Variants in HSBP1L1 observed in about 807,000 individuals in gnomAD.
HSBP1L1 encodes heat shock factor binding protein 1 like 1.
In HSBP1L1, 8 loss-of-function variants were observed where a neutral mutation model predicts 9.7. The observed-to-expected ratio is 0.82, with a 90% CI of 0.48 to 1.48. The LOEUF is 1.48. HSBP1L1 is among the 40% of genes most tolerant of loss of function. The probability of loss-of-function intolerance (pLI) is 0.00; values close to 1 mark genes in which losing one functional copy is unlikely to be tolerated. For synonymous variants in HSBP1L1, 39 were observed against 34.4 expected, an observed-to-expected ratio of 1.13 and a Z score of -0.46; for missense variants, 106 against 95.8, an observed-to-expected ratio of 1.11 and a Z score of -0.44.
chr18:79,965,390 G>T (rs1000079281), intron 1 of HSBP1L1, among the ~76,000 whole-genome samples: 2 of 152,140 alleles, frequency 1.3e-5, no homozygotes, highest in African/African-American at 4.8e-5. Flanking sequence ...TGGTTCAGAG[G>T]TGGGGCCTCC....
chr18:79,968,266 C>A, intron 3 of HSBP1L1, 83 bp downstream of exon 3: 1 of 809,572 alleles, frequency 1.2e-6, no homozygotes, highest in Non-Finnish European at 2.0e-6. Flanking sequence ...CATATTTGTT[C>A]ACTATGGGAA....
At chr18:79,968,034 C>A in intron 2 of HSBP1L1, 55 bp from the exon 3 acceptor site, 5 of 1,091,496 alleles carry the variant, frequency 4.6e-6, no homozygotes, top group Non-Finnish European at 6.7e-6. Context: ...GACATCCTGG[C>A]TGTGCCTCGG....
chr18:79,969,041 T>A (rs867312675), intron 3 of HSBP1L1, among the ~76,000 whole-genome samples: 41 of 131,168 alleles, frequency 3.1e-4, no homozygotes, highest in African/African-American at 7.4e-4. Flanking sequence ...AAAAAAAAAA[T>A]AGCCGGGTGT....
intron 3 of HSBP1L1, among the ~76,000 whole-genome samples, chr18:79,969,308 GAAAGGAAA>G (rs1356119440): frequency 1.8e-4 from 9 of 51,128 alleles, no homozygotes; most frequent in Non-Finnish European, 2.5e-4. Flanking sequence ...GAGAGAGAGA[GAAAGGAAA>G]GAAAGAAAGA....
chr18:79,967,296 T>C (rs1473256904), intron 2 of HSBP1L1, among the ~76,000 whole-genome samples: 15 of 152,184 alleles, frequency 9.9e-5, no homozygotes, highest in African/African-American at 1.4e-4. Context: ...CCCTAGACCA[T>C]AGACCCCACA....
chr18:79,967,519 T>G (rs1290767339), intron 2 of HSBP1L1: 1 of 152,244 alleles, frequency 6.6e-6, no homozygotes, highest in Non-Finnish European at 1.5e-5. Flanking sequence ...ATTAAATATA[T>G]TCCTTAAATA....
At chr18:79,966,113 A>G (rs1489838024) in intron 1 of HSBP1L1, among the ~76,000 whole-genome samples, 1 of 152,062 alleles carries the variant, frequency 6.6e-6, no homozygotes, top group Non-Finnish European at 1.5e-5. Flanking sequence ...TTGTATTTTT[A>G]GTAGAGATGG....
At chr18:79,967,147 C>CAAAAAAAAAAAAGAAA (rs2051261840) in intron 2 of HSBP1L1, among the ~76,000 whole-genome samples, 2 of 105,196 alleles carry the variant, frequency 1.9e-5, no homozygotes, top group African/African-American at 7.4e-5. Flanking sequence ...GACTCCGTCT[C>CAAAAAAAAAAAAGAAA]AAAAAAAAAA....
At chr18:79,968,344 TGAG>T (rs922615484) in intron 3 of HSBP1L1, among the ~76,000 whole-genome samples, 161 bp downstream of exon 3, 18 of 152,240 alleles carry the variant, frequency 1.2e-4, no homozygotes, top group African/African-American at 4.3e-4. Context: ...CTTCTTTTTT[TGAG>T]GTGGAGTCTT....
intron 2 of HSBP1L1, chr18:79,967,021 G>A (rs951940827): frequency 2.2e-5 from 4 of 180,434 alleles, no homozygotes; most frequent in Non-Finnish European, 4.7e-5. Context: ...GGTGGCGGGC[G>A]CCTGTAGTCC....
rs1321629184 is a variant in HSBP1L1, at chr18:79,968,120, A to G, written c.150A>G (p.Leu50=). The G allele has an allele frequency of 1.9e-6, 3 of 1,550,260 alleles. No homozygotes were observed. The highest frequency in any genetic ancestry group is 2.6e-6 in the Non-Finnish European group (3 of 1,145,730). The stretch of plus-strand genomic sequence containing the variant: ...AAATGGGAAATCGCATTGAGGACTT[A>G]CAGAAGAATGTCAAGGACTTAATGG... ...MEEMGNRIED[L]QKNVKDLMVQ... The change falls in exon 3 of 4, where the codon TTA becomes TTG. Residue 50 remains leucine (L), a synonymous_variant. Transcript: ENST00000451882.
chr18:79,966,769 AAT>A (rs1209139589), intron 2 of HSBP1L1, 91 bp downstream of exon 2: 1 of 924,568 alleles, frequency 1.1e-6, no homozygotes, highest in Non-Finnish European at 1.7e-6. Flanking sequence ...AGTAGTAGGT[AAT>A]AGTTTACTTA....
chr18:79,968,420 G>A (rs548901640), intron 3 of HSBP1L1, among the ~76,000 whole-genome samples: 10 of 152,226 alleles, frequency 6.6e-5, no homozygotes, highest in African/African-American at 2.2e-4. Flanking sequence ...TCCACCTCCC[G>A]GGTTTAAGCC....
At position 79,970,559 on chromosome 18, in the gene HSBP1L1, G is replaced by T. The variant is rs1047414263; in HGVS notation, c.*108G>T. The T allele has an allele frequency of 1.5e-6, 1 of 684,892 alleles. No individual in the cohort carries two copies. The highest frequency in any genetic ancestry group is 2.7e-6 in the Non-Finnish European group (1 of 369,768). 42.4% of individuals were successfully genotyped at this position (684,892 alleles called of 1,614,324 possible). A position where few individuals can be genotyped will look rare whatever the true frequency, so the allele number is the denominator to read the frequency against. On this transcript the variant is annotated 3_prime_UTR_variant, in exon 4 of 4. Transcript: ENST00000451882. Reference sequence around the variant, plus strand: ...AACAGGATTCGTCTTTCTGAGAAGAGACGCAAGGGGCTCGCCTGCTCTCCC... The same window carrying T: ...AACAGGATTCGTCTTTCTGAGAAGATACGCAAGGGGCTCGCCTGCTCTCCC...
At chr18:79,966,546 A>AG in intron 1 of HSBP1L1, 66 bp from the exon 2 acceptor site, 2 of 1,103,142 alleles carry the variant, frequency 1.8e-6, no homozygotes, top group East Asian at 6.4e-5. Flanking sequence ...TCATCTCAGA[A>AG]AAAAAAAAAA....
rs1291032156 is a variant in HSBP1L1, at chr18:79,970,673, C to T, written c.*222C>T. The T allele has an allele frequency of 1.9e-6, 1 of 526,326 alleles. No individual in the cohort carries two copies. The highest frequency in any genetic ancestry group is 2.9e-5 in the East Asian group (1 of 34,550). The allele number at this position is 526,326 out of a possible 1,614,324, so 32.6% of individuals were successfully genotyped here. A position where few individuals can be genotyped will look rare whatever the true frequency, so the allele number is the denominator to read the frequency against. On this transcript the variant is annotated 3_prime_UTR_variant, in exon 4 of 4. Transcript: ENST00000451882. The stretch of plus-strand genomic sequence containing the variant: ...CACGGACCAGCACCTTGATCTGGGA[C>T]TTCCAGAAAACAGAACTGTGAAAAG...
chr18:79,966,344 G>GACC (rs1196720504), intron 1 of HSBP1L1, among the ~76,000 whole-genome samples: 2 of 152,100 alleles, frequency 1.3e-5, no homozygotes, highest in African/African-American at 4.8e-5. Flanking sequence ...ATGAGTTCAA[G>GACC]ACCAGCCTGG....
chr18:79,967,618 G>GT (rs2051263948), intron 2 of HSBP1L1: 1 of 152,432 alleles, frequency 6.6e-6, no homozygotes, highest in Admixed American at 6.5e-5. Flanking sequence ...ATGAATGTTA[G>GT]TTTTTTAGTT....
At chr18:79,969,753 TTGC>T (rs1555716406) in intron 3 of HSBP1L1, among the ~76,000 whole-genome samples, 1 of 28,904 alleles carries the variant, frequency 3.5e-5, no homozygotes, top group Non-Finnish European at 1.6e-4. Context: ...CTTCTGCCCC[TTGC>T]TTTTTTGTTC....
Sources: gnomAD v4.1 joint callset for allele counts (sites outside exome capture counted in the v4.1 genomes callset) on GRCh38, gnomAD v4.1.1 for gene constraint, MANE v1.5 for transcripts, NCBI Gene and HGNC (gene_info 2026-07-23, HGNC 2026-07-21) for gene names.